NTMT2: variants seen among roughly 807,000 people sequenced by gnomAD.
The protein encoded by NTMT2 is N-terminal Xaa-Pro-Lys N-methyltransferase 2, also known as X-Pro-Lys N-terminal protein methyltransferase 1B.
A neutral mutation model predicts 23.4 loss-of-function variants in NTMT2; 21 were observed. The observed-to-expected ratio is 0.90, with a 90% CI of 0.64 to 1.29. NTMT2 has a LOEUF of 1.29. NTMT2 is among the 50% of genes most tolerant of loss of function. The pLI is 0.00. For missense variants in NTMT2, 336 were observed against 352.0 expected (o/e 0.95, Z 0.36); for synonymous variants, 131 against 127.7 (o/e 1.03, Z -0.17).
chr1:170,166,125 C>CTTTTTTTTTTTTTTTTTTTTTTTTT (rs1420113193), intron 2 of NTMT2, among the ~76,000 whole-genome samples: 1 of 112,568 alleles, frequency 8.9e-6, no homozygotes, highest in Non-Finnish European at 1.7e-5. Context: ...AATTTTCTTT[C>CTTTTTTTTTTTTTTTTTTTTTTTTT]TTTTTTTTTT....
At chr1:170,146,902 T>C (rs990995584) in intron 1 of NTMT2, among the ~76,000 whole-genome samples, 9 of 152,230 alleles carry the variant, frequency 5.9e-5, no homozygotes, top group African/African-American at 2.2e-4. Context: ...CTGTTTTGCC[T>C]ACTCTACTTT....
intron 1 of NTMT2, among the ~76,000 whole-genome samples, chr1:170,159,275 A>G (rs748122698): frequency 3.9e-5 from 6 of 152,108 alleles, no homozygotes; most frequent in Non-Finnish European, 8.8e-5. Flanking sequence ...AGCTCTTCCT[A>G]GGCAATTTGT....
chr1:170,160,734 T>C, intron 2 of NTMT2, 41 bp downstream of exon 2: 1 of 1,461,594 alleles, frequency 6.8e-7, no homozygotes, highest in Non-Finnish European at 9.1e-7. Flanking sequence ...GGCAAAGTCC[T>C]TGCAAACATT....
chr1:170,165,353 TA>T, intron 2 of NTMT2, among the ~76,000 whole-genome samples: 1 of 152,212 alleles, frequency 6.6e-6, no homozygotes, highest in South Asian at 2.1e-4. Flanking sequence ...CAGACCTACT[TA>T]AAAAAACAGT....
chr1:170,161,120 A>T (rs1324614336), intron 2 of NTMT2, among the ~76,000 whole-genome samples: 1 of 152,138 alleles, frequency 6.6e-6, no homozygotes, highest in Non-Finnish European at 1.5e-5. Flanking sequence ...TAACACAGTC[A>T]AACCCTGTCT....
intron 1 of NTMT2, among the ~76,000 whole-genome samples, chr1:170,148,256 C>T (rs964341680): frequency 1.4e-5 from 2 of 142,818 alleles, no homozygotes; most frequent in Non-Finnish European, 3.0e-5. Flanking sequence ...TCACTCCATT[C>T]TCCTGCCTCA....
intron 1 of NTMT2, among the ~76,000 whole-genome samples, chr1:170,146,926 G>A (rs1023919969): frequency 2.6e-5 from 4 of 152,190 alleles, no homozygotes; most frequent in African/African-American, 9.7e-5. Context: ...CAGCCTCTGT[G>A]AAAGCAGTTA....
chr1:170,164,666 G>A (rs1021654992), intron 2 of NTMT2, among the ~76,000 whole-genome samples: 2 of 152,122 alleles, frequency 1.3e-5, no homozygotes, highest in Non-Finnish European at 1.5e-5. Context: ...TCTAAATGAA[G>A]CCTTATAATT....
chr1:170,159,413 A>C (rs1451923249), intron 1 of NTMT2, among the ~76,000 whole-genome samples: 2 of 65,312 alleles, frequency 3.1e-5, no homozygotes, highest in East Asian at 5.7e-4. Flanking sequence ...GTTTTGATTT[A>C]TGCTCTGGTT....
In NTMT2 at chr1:170,160,659, AG is replaced by A. The variant is rs1354096478; in HGVS notation, c.298del (p.Ala100ProfsTer28). 6.5e-7 allele frequency: 1 copy of A among 1,532,102 alleles called. No individual in the cohort carries two copies. Among genetic ancestry groups the A allele is most frequent in the African/African-American group, 1.4e-5 (1 of 71,838 alleles). 94.9% of individuals were successfully genotyped at this position (1,532,102 alleles called of 1,614,324 possible). ...ATTGAACTGTCCAGCCCAGACATCCAGGCCTCTCAGAAATTTCTTAGGAAAT... is the reference window on the plus strand; with the variant it reads ...ATTGAACTGTCCAGCCCAGACATCCAGCCTCTCAGAAATTTCTTAGGAAAT... ...NFIELSSPDI[Q>X]ASQKFLRKFV... On this transcript the variant is annotated frameshift_variant, in exon 2 of 4. Coordinates refer to ENST00000439373, the MANE Select transcript of NTMT2 (RefSeq NM_001136107.2). LOFTEE classifies it high-confidence loss of function.
intron 1 of NTMT2, among the ~76,000 whole-genome samples, chr1:170,151,098 G>A (rs1246114743): frequency 2.6e-5 from 4 of 152,132 alleles, no homozygotes; most frequent in African/African-American, 9.7e-5. Flanking sequence ...GTTCTGTGTG[G>A]TTTAACAGAA....
At chr1:170,146,610 A>G (rs1672969351) in intron 1 of NTMT2, among the ~76,000 whole-genome samples, 1 of 152,212 alleles carries the variant, frequency 6.6e-6, no homozygotes, top group African/African-American at 2.4e-5. Flanking sequence ...TTCAAAGATG[A>G]GAGTATTAAT....
At position 170,166,657 on chromosome 1, in the gene NTMT2, A is replaced by C. The variant is rs373562734; in HGVS notation, c.486A>C (p.Lys162Asn). 248 of 1,552,160 alleles carry C rather than the reference A, an allele frequency of 1.6e-4. No homozygotes were observed. The East Asian group carries it at 4.3e-3, about 27-fold the overall frequency. Reference sequence around the variant, plus strand: ...AAGCCCAGAACTACCTGCAGGTCAAAGGTGACAAAGTAGAAAGCTACCACT... The same window carrying C: ...AAGCCCAGAACTACCTGCAGGTCAACGGTGACAAAGTAGAAAGCTACCACT... ...LLEAQNYLQV[K>N]GDKVESYHCY... Residue 162 changes from lysine to asparagine, a missense_variant, in exon 3 of 4, where the codon AAA (lysine) becomes AAC (asparagine). Coordinates refer to ENST00000439373, the MANE Select transcript of NTMT2 (RefSeq NM_001136107.2).
At chr1:170,157,869 T>A (rs1409830273) in intron 1 of NTMT2, 6 of 152,078 alleles carry the variant, frequency 3.9e-5, no homozygotes, top group Non-Finnish European at 8.8e-5. Flanking sequence ...TCTCCTTGCT[T>A]CTTGACTACT....
chr1:170,157,020 C>A (rs941718650), intron 1 of NTMT2, among the ~76,000 whole-genome samples: 2 of 150,854 alleles, frequency 1.3e-5, no homozygotes, highest in African/African-American at 4.9e-5. Context: ...TAGCATCCAA[C>A]CCTGGGCAGC....
intron 1 of NTMT2, among the ~76,000 whole-genome samples, chr1:170,151,920 C>A (rs1346547240): frequency 6.6e-6 from 1 of 152,080 alleles, no homozygotes; most frequent in Non-Finnish European, 1.5e-5. Context: ...CATGTTTGAT[C>A]ATCTATAGTT....
At chr1:170,153,736 A>G (rs1161444194) in intron 1 of NTMT2, among the ~76,000 whole-genome samples, 2 of 152,254 alleles carry the variant, frequency 1.3e-5, no homozygotes, top group African/African-American at 4.8e-5. Context: ...GTTGGAAGTT[A>G]TATTTAAAGG....
chr1:170,153,802 T>C (rs1673114725), intron 1 of NTMT2, among the ~76,000 whole-genome samples: 1 of 152,168 alleles, frequency 6.6e-6, no homozygotes, highest in Admixed American at 6.5e-5. Context: ...CAAAGAAAGC[T>C]TTTTCAGAGT....
chr1:170,146,079 T>C lies in NTMT2; in HGVS notation c.-29T>C. ...AACAGCAAGGCAAGCTTCCTTTCTC[T>C]GTAGGAATCATTATTATCCCCCTTT... On this transcript the variant is annotated 5_prime_UTR_variant, in exon 1 of 4. Coordinates refer to ENST00000439373, the MANE Select transcript of NTMT2 (RefSeq NM_001136107.2). The C allele has an allele frequency of 6.5e-7, 1 of 1,540,436 alleles. No homozygotes were observed. Among genetic ancestry groups the C allele is most frequent in the Non-Finnish European group, 8.8e-7 (1 of 1,142,030 alleles).
Sources: gnomAD v4.1 joint callset for allele counts (sites outside exome capture counted in the v4.1 genomes callset) on GRCh38, gnomAD v4.1.1 for gene constraint, MANE v1.5 for transcripts, NCBI Gene and HGNC (gene_info 2026-07-23, HGNC 2026-07-21) for gene names.